GALNT5: variants seen among roughly 807,000 people sequenced by gnomAD.
GALNT5 encodes UDP-GalNAc:polypeptide N-acetylgalactosaminyltransferase 5.
In GALNT5, 72 loss-of-function variants were observed where a neutral mutation model predicts 85.4. That is an observed-to-expected ratio of 0.84 (90% CI 0.70 to 1.03). The LOEUF is 1.03. Among genes scored for constraint, GALNT5 ranks in the 50% least tolerant of loss-of-function variants. The probability of loss-of-function intolerance (pLI) is 0.00; values close to 1 mark genes in which losing one functional copy is unlikely to be tolerated. For synonymous variants in GALNT5, 404 were observed against 397.0 expected (o/e 1.02, Z -0.21); for missense variants, 1,137 against 1,135.5 (o/e 1.00, Z -0.02).
intron 1 of GALNT5, among the ~76,000 whole-genome samples, chr2:157,260,590 T>C (rs533921948): frequency 6.6e-6 from 1 of 152,300 alleles, no homozygotes; most frequent in African/African-American, 2.4e-5. Context: ...GAAGTTGGAT[T>C]GGGGAATGTC....
At position 157,308,572 on chromosome 2, in the gene GALNT5, A is replaced by G. The variant is rs1683501151; in HGVS notation, c.2526A>G (p.Gln842=). The G allele has an allele frequency of 6.2e-7, 1 of 1,605,126 alleles. No individual in the cohort carries two copies. The highest frequency in any genetic ancestry group is 1.7e-5 in the Admixed American group (1 of 57,350). The change falls in exon 9 of 10, where the codon CAA becomes CAG. Residue 842 remains glutamine, a synonymous_variant. Coordinates refer to ENST00000259056, the MANE Select transcript of GALNT5 (RefSeq NM_014568.3). ...LEDCDGSKEL[Q]QFNYTWLRLI... ...TTTATTCATTTCCCCCACAGCTTCA[A>G]CAATTTAATTACACCTGGTTAAGAC...
At chr2:157,272,809 T>C (rs986995806) in intron 1 of GALNT5, among the ~76,000 whole-genome samples, 1 of 152,238 alleles carries the variant, frequency 6.6e-6, no homozygotes, top group Non-Finnish European at 1.5e-5. Context: ...TACATGTCTT[T>C]GCTATTGTGA....
At position 157,301,014 on chromosome 2, in the gene GALNT5, C is replaced by T. The variant is rs750047812; in HGVS notation, c.2439+15C>T. The T allele has an allele frequency of 1.1e-5, 18 of 1,575,334 alleles. No homozygotes were observed. The highest frequency in any genetic ancestry group is 1.7e-4 in the Middle Eastern group (1 of 5,924). ...CTAGTGGTGTGGTAAGTTCAAGTGG[C>T]AATTTAAAATCTTACTCCATAAAAA... On this transcript the variant is annotated intron_variant, in intron 7 of 9. Transcript: ENST00000259056.
At chr2:157,296,721 C>T (rs895557010) in intron 5 of GALNT5, among the ~76,000 whole-genome samples, 1 of 152,190 alleles carries the variant, frequency 6.6e-6, no homozygotes, top group African/African-American at 2.4e-5. Context: ...CCTACTCAGG[C>T]CTGAACACAG....
intron 1 of GALNT5, among the ~76,000 whole-genome samples, chr2:157,268,285 G>A (rs1682503800): frequency 6.6e-6 from 1 of 152,112 alleles, no homozygotes; most frequent in Non-Finnish European, 1.5e-5. Context: ...CAGGTTAGTG[G>A]CTCAGCATTC....
At chr2:157,289,339 C>A (rs1392313858) in intron 3 of GALNT5, among the ~76,000 whole-genome samples, 1 of 152,120 alleles carries the variant, frequency 6.6e-6, no homozygotes, top group Admixed American at 6.5e-5. Context: ...TCATTAACAG[C>A]CTTGAGAATA....
intron 1 of GALNT5, among the ~76,000 whole-genome samples, chr2:157,264,702 G>T (rs1422225204): frequency 6.6e-6 from 1 of 152,002 alleles, no homozygotes; most frequent in Non-Finnish European, 1.5e-5. Flanking sequence ...CCTTAATTTT[G>T]ATCCTAGTAG....
At position 157,257,874 on chromosome 2, in the gene GALNT5, C is replaced by T. The variant is rs1682220511; in HGVS notation, c.-209C>T. The stretch of plus-strand genomic sequence containing the variant: ...AGGGCCAGCCAAGCAGGCACAGATG[C>T]TCTGCTATGAAATGCCACGCAGGCA... On this transcript the variant is annotated 5_prime_UTR_variant, in exon 1 of 10. Coordinates refer to ENST00000259056, the MANE Select transcript of GALNT5 (RefSeq NM_014568.3). The T allele has an allele frequency of 6.7e-6, 4 of 595,280 alleles. No individual in the cohort carries two copies. The highest frequency in any genetic ancestry group is 1.8e-5 in the African/African-American group (1 of 54,460). The allele number at this position is 595,280 out of a possible 1,614,324, so 36.9% of individuals were successfully genotyped here.
chr2:157,295,583 C>T (rs1683195140), intron 3 of GALNT5, 80 bp from the exon 4 acceptor site: 4 of 1,107,026 alleles, frequency 3.6e-6, no homozygotes, highest in Non-Finnish European at 5.2e-6. Flanking sequence ...CTGGAGCAAT[C>T]ATCAATACCT....
At chr2:157,300,149 A>G (rs1007296075) in intron 6 of GALNT5, among the ~76,000 whole-genome samples, 13 of 152,206 alleles carry the variant, frequency 8.5e-5, no homozygotes, top group African/African-American at 3.1e-4. Flanking sequence ...ACAATCATTG[A>G]TTAACTTCTG....
At chr2:157,285,298 G>C (rs959061604) in intron 2 of GALNT5, among the ~76,000 whole-genome samples, 4 of 152,180 alleles carry the variant, frequency 2.6e-5, no homozygotes, top group African/African-American at 4.8e-5. Flanking sequence ...AACAGGAATA[G>C]TACCCAATTA....
At chr2:157,300,175 C>T (rs1683307878) in intron 6 of GALNT5, among the ~76,000 whole-genome samples, 1 of 152,182 alleles carries the variant, frequency 6.6e-6, no homozygotes, top group Non-Finnish European at 1.5e-5. Context: ...GCCTTGGCAA[C>T]AGCAGTAGTA....
chr2:157,264,607 G>C (rs1682418534), intron 1 of GALNT5, among the ~76,000 whole-genome samples: 1 of 150,866 alleles, frequency 6.6e-6, no homozygotes, highest in Non-Finnish European at 1.5e-5. Flanking sequence ...GTTTTTTTTT[G>C]GCACATTTGA....
rs372377927 is a variant in GALNT5 at position 157,258,502 on chromosome 2, C to T, written c.420C>T (p.Asn140=). ...TGCAGACCCTCCCTGTGACTCCTAA[C>T]AAGCAGAAGACAGACGGGAGAGGCA... ...AHLQTLPVTP[N]KQKTDGRGTK... Residue 140 remains asparagine, a synonymous_variant, in exon 1 of 10, where the codon AAC becomes AAT. Coordinates refer to ENST00000259056, the MANE Select transcript of GALNT5 (RefSeq NM_014568.3). 1.5e-5 allele frequency: 24 copies of T among 1,609,882 alleles called. No homozygotes were observed. Among genetic ancestry groups the T allele is most frequent in the Non-Finnish European group, 2.0e-5 (23 of 1,178,848 alleles).
rs766782723 is a variant in GALNT5, at chr2:157,311,275, T to C, written c.2750T>C (p.Ile917Thr). 4 of 1,610,774 alleles carry C rather than the reference T, an allele frequency of 2.5e-6. No individual in the cohort carries two copies. Among genetic ancestry groups the C allele is most frequent in the African/African-American group, 1.3e-5 (1 of 74,816 alleles). ...TTGGAAGGAAATTTTTCTCAAAAGATCCTGAAAGTAGCTGCCTGTGACCCA... is the reference window on the plus strand; with the variant it reads ...TTGGAAGGAAATTTTTCTCAAAAGACCCTGAAAGTAGCTGCCTGTGACCCA... ...LCLEGNFSQK[I>T]LKVAACDPVK... The change falls in exon 10 of 10, where the codon ATC becomes ACC. Residue 917 changes from isoleucine (I) to threonine (T), a missense_variant. Coordinates refer to ENST00000259056, the MANE Select transcript of GALNT5 (RefSeq NM_014568.3).
At chr2:157,293,741 C>T (rs1403105089) in intron 3 of GALNT5, among the ~76,000 whole-genome samples, 3 of 152,000 alleles carry the variant, frequency 2.0e-5, no homozygotes, top group Non-Finnish European at 4.4e-5. Flanking sequence ...TAATACGATG[C>T]TAAATTCTAT....
chr2:157,266,622 A>T (rs1682464179), intron 1 of GALNT5, among the ~76,000 whole-genome samples: 1 of 152,108 alleles, frequency 6.6e-6, no homozygotes, highest in Non-Finnish European at 1.5e-5. Context: ...CCTCACAGCA[A>T]CCCTATGAGA....
Position 157,291,306 on chromosome 2 carries a change from C to T in GALNT5, c.1742-4357C>T, listed in dbSNP as rs959257826. Among the ~76,000 whole-genome samples, 3 of 152,224 alleles carry T rather than the reference C, an allele frequency of 2.0e-5. No individual in the cohort carries two copies. The East Asian group carries it at 5.8e-4, about 29-fold the overall frequency. On this transcript the variant is annotated intron_variant, in intron 3 of 9. Coordinates refer to ENST00000259056, the MANE Select transcript of GALNT5 (RefSeq NM_014568.3). ...ATGAGCATTCTAAATAATCACTTGG[C>T]TAACTTTAAGTAACTGGACAAGTGA...
intron 7 of GALNT5, among the ~76,000 whole-genome samples, chr2:157,303,383 G>T (rs546410195): frequency 2.6e-5 from 4 of 152,228 alleles, no homozygotes; most frequent in African/African-American, 7.2e-5. Flanking sequence ...GGATTAAACC[G>T]CTGGCAAATA....
Sources: allele counts gnomAD v4.1 joint callset (sites outside exome capture counted in the v4.1 genomes callset), GRCh38; gene constraint gnomAD v4.1.1; transcripts MANE v1.5; gene names NCBI Gene and HGNC (gene_info 2026-07-23, HGNC 2026-07-21).